LIMA1: variants seen among roughly 807,000 people sequenced by gnomAD.
The protein encoded by LIMA1 is LIM domain and actin-binding protein 1.
A neutral mutation model predicts 62.6 loss-of-function variants in LIMA1; 52 were observed. The ratio of observed to expected loss-of-function variants is 0.83; its 90% CI spans 0.67 to 1.05. The LOEUF is 1.05. Ranked by LOEUF, LIMA1 falls within the 50% of genes least tolerant of loss-of-function variation. The pLI is 0.00. For synonymous variants in LIMA1, 302 were observed against 317.8 expected (o/e 0.95, Z 0.53); for missense variants, 780 against 902.2 (o/e 0.86, Z 1.74).
At chr12:50,231,580 C>T in intron 3 of LIMA1, 85 bp downstream of exon 3, 1 of 1,238,368 alleles carries the variant, frequency 8.1e-7, no homozygotes, top group Non-Finnish European at 1.2e-6. Context: ...GACATAGAAC[C>T]CAAGCCCCAC....
At position 50,177,350 on chromosome 12, in the gene LIMA1, C is replaced by T; in HGVS notation, c.1994G>A (p.Arg665Lys). ...NKESKGETGK[R>K]SKEGHSLEME... is the part of the protein sequence containing the mutation. ...CTCCAAACTATGACCTTCCTTACTT[C>T]TCTTCCCTGTCTCTCCTTTAGATTC... The change falls in exon 11 of 11, where the codon AGA becomes AAA. Residue 665 changes from arginine (R) to lysine (K), a missense_variant. Coordinates refer to ENST00000341247, the MANE Select transcript of LIMA1 (RefSeq NM_016357.5). The T allele has an allele frequency of 6.2e-7, 1 of 1,614,232 alleles. No homozygotes were observed. Among genetic ancestry groups the T allele is most frequent in the Non-Finnish European group, 8.5e-7 (1 of 1,180,044 alleles).
At chr12:50,211,793 A>AACACAC (rs6144709) in intron 4 of LIMA1, among the ~76,000 whole-genome samples, 46,823 of 150,690 alleles carry the variant, frequency 0.31, 7,379 homozygotes, top group South Asian at 0.46. Context: ...AGGAACACAA[A>AACACAC]ACACACACAC....
chr12:50,249,739 T>A (rs950263471), intron 1 of LIMA1: 1 of 151,806 alleles, frequency 6.6e-6, no homozygotes, highest in African/African-American at 2.4e-5. Flanking sequence ...ATTTGAAGAG[T>A]GAAAAATATA....
chr12:50,250,736 AG>A (rs1236671302), intron 1 of LIMA1, among the ~76,000 whole-genome samples: 1 of 152,304 alleles, frequency 6.6e-6, no homozygotes. Flanking sequence ...TGGAAGGCAT[AG>A]TATGCCCTTT....
At chr12:50,265,327 T>C (rs983603277) in intron 1 of LIMA1, among the ~76,000 whole-genome samples, 10 of 151,814 alleles carry the variant, frequency 6.6e-5, no homozygotes, top group Non-Finnish European at 1.0e-4. Context: ...TCGAGACCAG[T>C]CTGACCAACA....
In LIMA1 at chr12:50,176,023, A is replaced by G. The variant is rs1319343301; in HGVS notation, c.*1041T>C. 4 of 152,192 alleles carry G rather than the reference A, an allele frequency of 2.6e-5. No individual in the cohort carries two copies. The highest frequency in any genetic ancestry group is 9.7e-5 in the African/African-American group (4 of 41,446). The allele number at this position is 152,192 out of a possible 1,614,324, so 9.4% of individuals were successfully genotyped here. On this transcript the variant is annotated 3_prime_UTR_variant, in exon 11 of 11. Coordinates refer to ENST00000341247, the MANE Select transcript of LIMA1 (RefSeq NM_016357.5). ...TGTCCCCAAACCTTAAGACTAGAAA[A>G]TCATCCCAAGAAAAAGGCCTATAGT...
rs1032838438 is a variant in LIMA1, at chr12:50,201,115, A to T, written c.865-231T>A. 5.5e-5 allele frequency: 71 copies of T among 1,286,376 alleles called. No homozygotes were observed. The Admixed American group carries it at 6.4e-4, about 12-fold the overall frequency. The allele number at this position is 1,286,376 out of a possible 1,614,324, so 79.7% of individuals were successfully genotyped here. A position where few individuals can be genotyped will look rare whatever the true frequency, so the allele number is the denominator to read the frequency against. Reference sequence around the variant, plus strand: ...TATCTGTATGCTAGTGTAAAACTGGATTGCTCATTAGAATACAGACACATC... The same window carrying T: ...TATCTGTATGCTAGTGTAAAACTGGTTTGCTCATTAGAATACAGACACATC... On this transcript the variant is annotated intron_variant, in intron 6 of 10. Transcript: ENST00000341247.
intron 8 of LIMA1, among the ~76,000 whole-genome samples, chr12:50,194,346 G>A (rs1940880761): frequency 6.6e-6 from 1 of 150,506 alleles, no homozygotes; most frequent in Non-Finnish European, 1.5e-5. Context: ...GCCCAGGCTG[G>A]AGTGCGATGG....
At chr12:50,193,666 ATTTT>A (rs1166489086) in intron 8 of LIMA1, among the ~76,000 whole-genome samples, 31 of 60,012 alleles carry the variant, frequency 5.2e-4, no homozygotes, top group African/African-American at 2.2e-3. Flanking sequence ...ATATATATAT[ATTTT>A]TTTTTTTTTT....
Position 50,176,938 on chromosome 12 carries a change from C to T in LIMA1, c.*126G>A, listed in dbSNP as rs1265956374. The T allele has an allele frequency of 5.4e-6, 4 of 737,700 alleles. No homozygotes were observed. Among genetic ancestry groups the T allele is most frequent in the Non-Finnish European group, 8.2e-6 (4 of 489,374 alleles). 45.7% of individuals were successfully genotyped at this position (737,700 alleles called of 1,614,324 possible). On this transcript the variant is annotated 3_prime_UTR_variant, in exon 11 of 11. Coordinates refer to ENST00000341247, the MANE Select transcript of LIMA1 (RefSeq NM_016357.5). ...TTTGATTTTAAGAAGGAATTCTTTT[C>T]CAAAGTTACTTCCAAGTAAATTACA... is the stretch of plus-strand genomic sequence containing the variant.
chr12:50,190,183 AATTTTTGT>A (rs1199475584), intron 9 of LIMA1: 1 of 139,204 alleles, frequency 7.2e-6, no homozygotes, highest in East Asian at 2.2e-4. Flanking sequence ...GCGCCCAGCT[AATTTTTGT>A]ATTTTTAGAG....
intron 1 of LIMA1, among the ~76,000 whole-genome samples, chr12:50,267,664 T>C (rs2138688161): frequency 6.6e-6 from 1 of 151,802 alleles, no homozygotes; most frequent in African/African-American, 2.4e-5. Flanking sequence ...GGACTACAGG[T>C]GCATGCCACC....
intron 1 of LIMA1, among the ~76,000 whole-genome samples, chr12:50,263,171 T>TTTA (rs1322840595): frequency 6.6e-6 from 1 of 152,216 alleles, no homozygotes; most frequent in Non-Finnish European, 1.5e-5. Context: ...TTGCTGAATT[T>TTTA]AAAATGCTGC....
intron 3 of LIMA1, among the ~76,000 whole-genome samples, chr12:50,223,531 T>G (rs1350668456): frequency 6.6e-6 from 1 of 151,996 alleles, no homozygotes. Flanking sequence ...AATTCACTGT[T>G]TTACAGATCC....
At chr12:50,234,156 T>G (rs1313740381) in intron 2 of LIMA1, 1 of 457,712 alleles carries the variant, frequency 2.2e-6, no homozygotes. Flanking sequence ...GACTAAGTGG[T>G]CCGGAGATTT....
At chr12:50,206,874 G>A (rs187632185) in intron 4 of LIMA1, among the ~76,000 whole-genome samples, 78 of 152,056 alleles carry the variant, frequency 5.1e-4, no homozygotes, top group Admixed American at 4.6e-3. Context: ...TAAGGGCAGA[G>A]ACCATGCCTT....
rs114336861 is a variant in LIMA1, at chr12:50,272,626, C to T, written c.-24+10794G>A. On this transcript the variant is annotated intron_variant, in intron 1 of 10. Coordinates refer to ENST00000341247, the MANE Select transcript of LIMA1 (RefSeq NM_016357.5). ...AAAAAAAAAATCTGAGCAGCTACCA[C>T]GTAACAATGCCTTAATAAAGGACAA... Among the ~76,000 whole-genome samples, 285 of 151,062 alleles carry T rather than the reference C, an allele frequency of 1.9e-3. 1 individual carries two copies. Among genetic ancestry groups the T allele is most frequent in the African/African-American group, 6.5e-3 (266 of 41,116 alleles).
At chr12:50,215,308 T>C (rs1240001672) in intron 4 of LIMA1, among the ~76,000 whole-genome samples, 2 of 152,260 alleles carry the variant, frequency 1.3e-5, no homozygotes, top group East Asian at 3.9e-4. Flanking sequence ...CATATCATGA[T>C]CCTGGTGCTA....
intron 2 of LIMA1, among the ~76,000 whole-genome samples, chr12:50,236,734 C>CCA (rs145408139): frequency 0.015 from 2,205 of 149,476 alleles, 26 homozygotes; most frequent in African/African-American, 0.039. Context: ...CTCCTTAAAA[C>CCA]CACACACACA....
Sources: allele counts gnomAD v4.1 joint callset (sites outside exome capture counted in the v4.1 genomes callset), GRCh38; gene constraint gnomAD v4.1.1; transcripts MANE v1.5; gene names NCBI Gene and HGNC (gene_info 2026-07-23, HGNC 2026-07-21).